PCDH12: variants seen among roughly 807,000 people sequenced by gnomAD.
PCDH12 encodes protocadherin 12.
PCDH12 carries 45 observed loss-of-function variants against 70.9 expected under a neutral mutation model. The observed-to-expected ratio is 0.63, with a 90% CI of 0.50 to 0.81. The LOEUF (loss-of-function observed/expected upper bound fraction) is 0.81, where lower values mean the gene tolerates loss of function less well. Ranked by LOEUF, PCDH12 falls within the 40% of genes least tolerant of loss-of-function variation. PCDH12 has a pLI of 0.00. For missense variants in PCDH12, 1,370 were observed against 1,491.7 expected (o/e 0.92, Z 1.34); for synonymous variants, 567 against 626.0 (o/e 0.91, Z 1.41).
At chr5:141,953,652 G>A (rs1362633509) in intron 1 of PCDH12, among the ~76,000 whole-genome samples, 5 of 152,244 alleles carry the variant, frequency 3.3e-5, no homozygotes. Flanking sequence ...CTGTTGTCCT[G>A]TCTACCAGCA....
chr5:141,955,616 CCTT>C lies in PCDH12; in HGVS notation c.2233_2235del (p.Lys745del), dbSNP rs367853620. 8.1e-4 allele frequency: 1,303 copies of C among 1,614,142 alleles called. 8 individuals are homozygous for C. In the African/African-American group the frequency reaches 0.014, roughly 18 times the overall value. ...TCCCGACAGTTGTAGGCCCTGTTGTCCTTCTTTTCTGTCCGGCAGATGGACATG... is the reference window on the plus strand; with the variant it reads ...TCCCGACAGTTGTAGGCCCTGTTGTCCTTTTCTGTCCGGCAGATGGACATG... On this transcript the variant is annotated inframe_deletion, in exon 1 of 4. Transcript: ENST00000231484. The surrounding 1 kb of genome is among the most constrained non-coding windows in gnomAD (Gnocchi z 5.5).
At chr5:141,946,927 A>G (rs535775475) in intron 3 of PCDH12, among the ~76,000 whole-genome samples, 123 of 151,960 alleles carry the variant, frequency 8.1e-4, no homozygotes, top group African/African-American at 2.9e-3. Flanking sequence ...AAAGCACAAC[A>G]TCTACTTAAC....
Position 141,955,602 on chromosome 5 carries a change from G to T in PCDH12, c.2250C>A (p.Tyr750Ter). ...AGGTGGACTCGGCCTCCCGACAGTT[G>T]TAGGCCCTGTTGTCCTTCTTTTCTG... Reference protein sequence around the residue: ...CRTEKKDNRAYNCREAESTYR... With the variant: ...CRTEKKDNRA The change falls in exon 1 of 4, where the codon TAC (tyrosine) becomes TAA (stop). Residue 750 changes from tyrosine (Y) to a stop codon, truncating the protein, a stop_gained. Transcript: ENST00000231484. LOFTEE classifies it high-confidence loss of function. This position sits in a 1 kb window ranked among gnomAD's most constrained non-coding sequence, Gnocchi z 5.5. 2.5e-6 allele frequency: 4 copies of T among 1,614,182 alleles called. No individual in the cohort carries two copies. The highest frequency in any genetic ancestry group is 3.4e-6 in the Non-Finnish European group (4 of 1,180,038).
chr5:141,949,389 A>G, intron 3 of PCDH12, 43 bp downstream of exon 3: 2 of 1,579,576 alleles, frequency 1.3e-6, no homozygotes, highest in Non-Finnish European at 8.6e-7. Context: ...CTTGGACACC[A>G]TGGGGCAGAA....
At chr5:141,948,046 T>A (rs1403943133) in intron 3 of PCDH12, among the ~76,000 whole-genome samples, 1 of 152,258 alleles carries the variant, frequency 6.6e-6, no homozygotes, top group Non-Finnish European at 1.5e-5. Context: ...TATTTTATTT[T>A]ATTTAATTTT....
Position 141,956,824 on chromosome 5 carries a change from A to G in PCDH12, c.1028T>C (p.Leu343Pro). Residue 343 changes from leucine to proline, a missense_variant, in exon 1 of 4, where the codon CTG becomes CCG. Transcript: ENST00000231484. The part of the protein sequence containing the change: ...PAHCKVLIKV[L>P]DVNDNIPSIH... ...GCTTGGGATGTTGTCATTGACATCCAGAACCTTGATGAGAACTTTGCAATG... is the reference window on the plus strand; with the variant it reads ...GCTTGGGATGTTGTCATTGACATCCGGAACCTTGATGAGAACTTTGCAATG... 1 of 1,614,280 alleles carries G rather than the reference A, an allele frequency of 6.2e-7. No individual in the cohort carries two copies.
In PCDH12 at chr5:141,958,001, G is replaced by A. The variant is rs1753216737; in HGVS notation, c.-150C>T. The A allele has an allele frequency of 1.0e-5, 9 of 879,882 alleles. No homozygotes were observed. The South Asian group carries it at 1.4e-4, about 14-fold the overall frequency. 54.5% of individuals were successfully genotyped at this position (879,882 alleles called of 1,614,324 possible). ...CCTTGTCCCATAGTTAGATGATTAT[G>A]AAACAAGCAGGACCCCAAGGCAAGG... On this transcript the variant is annotated 5_prime_UTR_variant, in exon 1 of 4. Transcript: ENST00000231484.
chr5:141,956,569 A>C lies in PCDH12; in HGVS notation c.1283T>G (p.Leu428Arg). 6.2e-7 allele frequency: 1 copy of C among 1,614,160 alleles called. No individual in the cohort carries two copies. Among genetic ancestry groups the C allele is most frequent in the Non-Finnish European group, 8.5e-7 (1 of 1,180,036 alleles). Reference sequence around the variant, plus strand: ...TCCTTGGTCTTGGGCTAACAGAGTGAGGGTATATTTGGGCCACTGCTCTCT... The same window carrying C: ...TCCTTGGTCTTGGGCTAACAGAGTGCGGGTATATTTGGGCCACTGCTCTCT... ...LDREQWPKYT[L>R]TLLAQDQGLQ... The change falls in exon 1 of 4, where the codon CTC (leucine) becomes CGC (arginine). Residue 428 changes from leucine to arginine, a missense_variant. By Grantham distance (102) the Leu-to-Arg change is moderately radical (BLOSUM62 -2). Coordinates refer to ENST00000231484, the MANE Select transcript of PCDH12 (RefSeq NM_016580.4).
chr5:141,955,721 C>T lies in PCDH12; in HGVS notation c.2131G>A (p.Ala711Thr), dbSNP rs766038244. ...ACCGTCAGCATCGACATGCTCAAGGCCCCAGGCTTGCGGGCTGAGTCCCTC... is the reference window on the plus strand; with the variant it reads ...ACCGTCAGCATCGACATGCTCAAGGTCCCAGGCTTGCGGGCTGAGTCCCTC... ...HLRDSARKPG[A>T]LSMSMLTVIC... The change falls in exon 1 of 4, where the codon GCC becomes ACC. Residue 711 changes from alanine to threonine, a missense_variant. Physicochemically the swap from Ala to Thr is moderately conservative, Grantham distance 58. Transcript: ENST00000231484. This position sits in a 1 kb window ranked among gnomAD's most constrained non-coding sequence, Gnocchi z 5.5. 8 of 1,613,968 alleles carry T rather than the reference C, an allele frequency of 5.0e-6. No individual in the cohort carries two copies. In the East Asian group the frequency reaches 1.8e-4, roughly 36 times the overall value.
At chr5:141,949,775 A>G (rs1345416202) in intron 2 of PCDH12, among the ~76,000 whole-genome samples, 192 bp from the exon 3 acceptor site, 1 of 144,942 alleles carries the variant, frequency 6.9e-6, no homozygotes, top group Non-Finnish European at 1.5e-5. Context: ...GTAAAATGAG[A>G]GTAATAAATA....
At position 141,951,578 on chromosome 5, in the gene PCDH12, G is replaced by T. The variant is rs1282444329; in HGVS notation, c.2893C>A (p.Leu965Met). The T allele has an allele frequency of 6.2e-7, 1 of 1,614,048 alleles. No individual in the cohort carries two copies. Among genetic ancestry groups the T allele is most frequent in the Admixed American group, 1.7e-5 (1 of 60,036 alleles). Residue 965 changes from leucine to methionine, a missense_variant, in exon 2 of 4, where the codon CTG (leucine) becomes ATG (methionine). Coordinates refer to ENST00000231484, the MANE Select transcript of PCDH12 (RefSeq NM_016580.4). The part of the protein sequence containing the change: ...DSPPVQQISQ[L>M]LSLLHQGQFQ... ...TGGCCCTGATGCAGCAAGGACAGCA[G>T]CTGGGAGATTTGCTACAAGACAGGA...
chr5:141,949,450 G>A lies in PCDH12; in HGVS notation c.3112C>T (p.Leu1038=), dbSNP rs1753028085. Residue 1038 remains leucine (L), a synonymous_variant, in exon 3 of 4, where the codon CTG becomes TTG. Transcript: ENST00000231484. ...TCCCTACCTGTGCTGGGGTCCAGCA[G>A]ACTTGACAGCTCTTCTTCTAGCAGT... is the stretch of plus-strand genomic sequence containing the variant. ...KQLLEEELSS[L]LDPSTGLALD... is the part of the protein sequence containing the mutation. 1.9e-6 allele frequency: 3 copies of A among 1,613,764 alleles called. No homozygotes were observed. Among genetic ancestry groups the A allele is most frequent in the African/African-American group, 2.7e-5 (2 of 74,902 alleles).
chr5:141,955,447 G>T lies in PCDH12; in HGVS notation c.2405C>A (p.Ala802Glu), dbSNP rs775992998. The change falls in exon 1 of 4, where the codon GCG becomes GAG. Residue 802 changes from alanine to glutamate, a missense_variant. Coordinates refer to ENST00000231484, the MANE Select transcript of PCDH12 (RefSeq NM_016580.4). This position sits in a 1 kb window ranked among gnomAD's most constrained non-coding sequence, Gnocchi z 5.5. The stretch of plus-strand genomic sequence containing the variant: ...GGGGTCCCAGCCTGCTTCCATCATC[G>T]CCTCCTTGTCCACATCTTTGTGGGA... ...GQSHKDVDKE[A>E]MMEAGWDPCL... 2 of 1,613,960 alleles carry T rather than the reference G, an allele frequency of 1.2e-6. No individual in the cohort carries two copies. Among genetic ancestry groups the T allele is most frequent in the South Asian group, 1.1e-5 (1 of 91,070 alleles).
rs1752901984 is a variant in PCDH12, at chr5:141,945,731, A to G, written c.3205T>C (p.Tyr1069His). Residue 1069 changes from tyrosine to histidine, a missense_variant, in exon 4 of 4, where the codon TAC becomes CAC. By Grantham distance (83) the Tyr-to-His change is moderately conservative. Transcript: ENST00000231484. ...TCCGGGGAGATCACATTGTCACGGT[A>G]GTTGGTGGTGAGGGGCAAAGAGAGT... ...ARLSLPLTTN[Y>H]RDNVISPDAA... 2.5e-6 allele frequency: 4 copies of G among 1,614,020 alleles called. No individual in the cohort carries two copies. Among genetic ancestry groups the G allele is most frequent in the Non-Finnish European group, 3.4e-6 (4 of 1,180,018 alleles).
In PCDH12 at chr5:141,957,784, T is replaced by G. The variant is rs1207740343; in HGVS notation, c.68A>C (p.Asp23Ala). Residue 23 changes from aspartate to alanine, a missense_variant, in exon 1 of 4, where the codon GAT (aspartate) becomes GCT (alanine). Physicochemically the swap from Asp to Ala is moderately radical, Grantham distance 126. Coordinates refer to ENST00000231484, the MANE Select transcript of PCDH12 (RefSeq NM_016580.4). This position sits in a 1 kb window ranked among gnomAD's most constrained non-coding sequence, Gnocchi z 4.3. ...CGTGAGAGTGGTCACCTCCTGACAA[T>G]CCCCTAAAAGAAATAAGTAGCCACC... ...GPGGYLFLLG[D>A]CQEVTTLTVK... 1 of 1,607,870 alleles carries G rather than the reference T, an allele frequency of 6.2e-7. No homozygotes were observed. Among genetic ancestry groups the G allele is most frequent in the Non-Finnish European group, 8.5e-7 (1 of 1,179,960 alleles).
chr5:141,953,870 C>T (rs1010624823), intron 1 of PCDH12, among the ~76,000 whole-genome samples: 4 of 152,220 alleles, frequency 2.6e-5, no homozygotes, highest in Admixed American at 2.0e-4. Flanking sequence ...TCACAGGAAA[C>T]CTGAGCTGAT....
intron 1 of PCDH12, among the ~76,000 whole-genome samples, chr5:141,954,084 G>C (rs550656315): frequency 2.0e-5 from 3 of 150,772 alleles, no homozygotes; most frequent in African/African-American, 7.3e-5. Flanking sequence ...GCAGACACAG[G>C]GTAAGTTTGG....
chr5:141,945,122 CAT>C lies in PCDH12; in HGVS notation c.*257_*258del. The C allele has an allele frequency of 1.9e-6, 1 of 531,190 alleles. No individual in the cohort carries two copies. 32.9% of individuals were successfully genotyped at this position (531,190 alleles called of 1,614,324 possible). A position where few individuals can be genotyped will look rare whatever the true frequency, so the allele number is the denominator to read the frequency against. On this transcript the variant is annotated 3_prime_UTR_variant, in exon 4 of 4. Transcript: ENST00000231484. The stretch of plus-strand genomic sequence containing the variant: ...CAGAGGACTGACCCTTTGTGCTCCA[CAT>C]ATGTTTTGCCAGGAAACACTTATCT...
chr5:141,949,526 T>C lies in PCDH12; in HGVS notation c.3036A>G (p.Pro1012=). ...GATCCAAAGGCCCTTCCTCCTGTTC[T>C]GGGTCTGTCTGGCCTCCAGCCCTTG... ...PSARAGGQTD[P]EQEEGPLDPE... is the part of the protein sequence containing the mutation. The change falls in exon 3 of 4, where the codon CCA becomes CCG. Residue 1012 remains proline, a synonymous_variant. Transcript: ENST00000231484. 6.2e-7 allele frequency: 1 copy of C among 1,614,232 alleles called. No homozygotes were observed. Among genetic ancestry groups the C allele is most frequent in the Non-Finnish European group, 8.5e-7 (1 of 1,180,028 alleles).
Sources: allele counts gnomAD v4.1 joint callset (sites outside exome capture counted in the v4.1 genomes callset), GRCh38; gene constraint gnomAD v4.1.1; non-coding constraint Gnocchi (gnomAD v3.1); transcripts MANE v1.5; gene names NCBI Gene and HGNC (gene_info 2026-07-23, HGNC 2026-07-21).